The following ZNF839 variants were observed in gnomAD, a reference collection of about 807,000 sequenced individuals.
The protein encoded by ZNF839 is zinc finger protein 839, also known as renal carcinoma antigen NY-REN-50.
ZNF839 carries 38 observed loss-of-function variants against 56.4 expected under a neutral mutation model. The ratio of observed to expected loss-of-function variants is 0.67; its 90% CI spans 0.52 to 0.88. The LOEUF is 0.88. ZNF839 is among the 40% of genes least tolerant of loss of function. ZNF839 has a pLI of 0.00. For synonymous variants in ZNF839, 486 were observed against 493.5 expected (o/e 0.98, Z 0.20); for missense variants, 1,091 against 1,177.6 (o/e 0.93, Z 1.08).
intron 2 of ZNF839, among the ~76,000 whole-genome samples, chr14:102,331,056 A>G (rs1248558927): frequency 6.6e-6 from 1 of 152,172 alleles, no homozygotes; most frequent in Non-Finnish European, 1.5e-5. Flanking sequence ...TTGGAATTAG[A>G]TAGTGGTTAT....
At chr14:102,327,411 G>A (rs1411929111) in intron 2 of ZNF839, among the ~76,000 whole-genome samples, 1 of 152,144 alleles carries the variant, frequency 6.6e-6, no homozygotes, top group Non-Finnish European at 1.5e-5. Flanking sequence ...AAAATGCTGA[G>A]AGTACAGGTG....
intron 3 of ZNF839, among the ~76,000 whole-genome samples, chr14:102,333,495 T>G (rs903336296): frequency 5.9e-5 from 9 of 152,046 alleles, no homozygotes; most frequent in African/African-American, 2.2e-4. Context: ...ACTCCTACCC[T>G]GAAGTAATCC....
upstream of ZNF839, chr14:102,319,694 CCT>C: frequency 8.2e-7 from 1 of 1,218,268 alleles, no homozygotes; most frequent in Non-Finnish European, 1.0e-6. The surrounding 1 kb of genome is among the most constrained non-coding windows in gnomAD (Gnocchi z 4.5). Flanking sequence ...GTAGCCCGCC[CCT>C]CTCCTAGGTG....
In ZNF839 at chr14:102,341,490, G is replaced by A; in HGVS notation, c.2095G>A (p.Asp699Asn). ...GSIGAALSSR[D>N]VSGLPVYAQS... is the part of the protein sequence containing the mutation. ...TATAGGTGCTGCTCTCTCATCCCGG[G>A]ATGTCAGTGGGCTGCCTGTTTATGC... Residue 699 changes from aspartate to asparagine, a missense_variant, in exon 8 of 8, where the codon GAT becomes AAT. Physicochemically the swap from Asp to Asn is conservative, Grantham distance 23. Coordinates refer to ENST00000442396, the MANE Select transcript of ZNF839 (RefSeq NM_018335.6). The A allele has an allele frequency of 6.3e-7, 1 of 1,598,070 alleles. No homozygotes were observed. The highest frequency in any genetic ancestry group is 8.5e-7 in the Non-Finnish European group (1 of 1,170,654).
In ZNF839 at chr14:102,326,271, G is replaced by A. The variant is rs748128207; in HGVS notation, c.575G>A (p.Arg192Lys). 84 of 1,613,626 alleles carry A rather than the reference G, an allele frequency of 5.2e-5. No individual in the cohort carries two copies. The highest frequency in any genetic ancestry group is 6.2e-5 in the Non-Finnish European group (73 of 1,179,806). Reference protein sequence around the residue: ...LPALQVVPAKRVPAPKAPDEQ... With the variant: ...LPALQVVPAKKVPAPKAPDEQ... ...GCCCTCCAGGTGGTCCCTGCAAAGA[G>A]AGTCCCAGCCCCCAAGGCTCCAGAT... Residue 192 changes from arginine to lysine, a missense_variant, in exon 2 of 8, where the codon AGA becomes AAA. Arg to Lys is a conservative substitution (Grantham distance 26, BLOSUM62 2). Transcript: ENST00000442396. This position sits in a 1 kb window ranked among gnomAD's most constrained non-coding sequence, Gnocchi z 4.3.
intron 2 of ZNF839, among the ~76,000 whole-genome samples, chr14:102,331,279 C>T (rs2073766830): frequency 6.6e-6 from 1 of 151,854 alleles, no homozygotes; most frequent in Non-Finnish European, 1.5e-5. Context: ...ACAGAGTTTC[C>T]CTCTTGTCAC....
intron 2 of ZNF839, among the ~76,000 whole-genome samples, chr14:102,327,141 C>T (rs751418428): frequency 4.0e-5 from 6 of 151,704 alleles, no homozygotes; most frequent in Non-Finnish European, 8.8e-5. Flanking sequence ...AGGTACCACA[C>T]ACTCATTTAT....
chr14:102,334,640 G>C lies in ZNF839; in HGVS notation c.1503G>C (p.Leu501=), dbSNP rs542551257. ...TTGTGACCGTGTATGAGTTTCTTCT[G>C]ATGAAGGTGAGTACTCTTAGTGTTT... ...AQVVTVYEFL[L]MKVEKDHLAK... The change falls in exon 4 of 8, where the codon CTG becomes CTC. Residue 501 remains leucine, a synonymous_variant. Coordinates refer to ENST00000442396, the MANE Select transcript of ZNF839 (RefSeq NM_018335.6). 2 of 1,607,524 alleles carry C rather than the reference G, an allele frequency of 1.2e-6. No homozygotes were observed. The highest frequency in any genetic ancestry group is 2.7e-5 in the African/African-American group (2 of 74,934).
At chr14:102,336,612 TAAAG>T in intron 5 of ZNF839, 1 of 429,448 alleles carries the variant, frequency 2.3e-6, no homozygotes. Context: ...TTTTTTTTCT[TAAAG>T]CAATAAATGC....
intron 1 of ZNF839, among the ~76,000 whole-genome samples, chr14:102,321,183 C>G (rs2073108797): frequency 6.6e-6 from 1 of 152,230 alleles, no homozygotes. Context: ...TGGTCTGGGT[C>G]AGAAGGCTGC....
chr14:102,326,972 A>G lies in ZNF839; in HGVS notation c.1191+85A>G, dbSNP rs940399507. ...AAATACCTGAGACCAGGTATTTTAT[A>G]AAGAAAAGAGGGTTGGCTCACGGTT... is the stretch of plus-strand genomic sequence containing the variant. On this transcript the variant is annotated intron_variant, in intron 2 of 7. Transcript: ENST00000442396. This position sits in a 1 kb window ranked among gnomAD's most constrained non-coding sequence, Gnocchi z 4.3. 8.7e-6 allele frequency: 12 copies of G among 1,386,166 alleles called. No homozygotes were observed. In the African/African-American group the frequency reaches 1.7e-4, roughly 20 times the overall value. The allele number at this position is 1,386,166 out of a possible 1,614,324, so 85.9% of individuals were successfully genotyped here. A position where few individuals can be genotyped will look rare whatever the true frequency, so the allele number is the denominator to read the frequency against.
chr14:102,324,521 C>G lies in ZNF839; in HGVS notation c.289-1464C>G, dbSNP rs116854808. Among the ~76,000 whole-genome samples, 510 of 152,004 alleles carry G rather than the reference C, an allele frequency of 3.4e-3. 8 individuals carry two copies. The highest frequency in any genetic ancestry group is 0.033 in the East Asian group (169 of 5,170). ...TAGCGCCACTGCATTCCAGCCTGGA[C>G]CACAGAGCGAGACTTCATCTTAAAA... On this transcript the variant is annotated intron_variant, in intron 1 of 7. Transcript: ENST00000442396.
intron 3 of ZNF839, among the ~76,000 whole-genome samples, chr14:102,333,710 C>T (rs1278187826): frequency 2.0e-5 from 3 of 152,148 alleles, no homozygotes; most frequent in African/African-American, 4.8e-5. Flanking sequence ...CAGACTCCCA[C>T]GCTTCCCGTT....
At chr14:102,333,979 C>T (rs924656120) in intron 3 of ZNF839, among the ~76,000 whole-genome samples, 1 of 152,356 alleles carries the variant, frequency 6.6e-6, no homozygotes, top group Admixed American at 6.5e-5. Context: ...CATCTCCCTC[C>T]CCTGCCACCC....
Sources: gnomAD v4.1 joint callset for allele counts (sites outside exome capture counted in the v4.1 genomes callset) on GRCh38, gnomAD v4.1.1 for gene constraint, Gnocchi (gnomAD v3.1) non-coding constraint, MANE v1.5 for transcripts, NCBI Gene and HGNC (gene_info 2026-07-23, HGNC 2026-07-21) for gene names.